BNC2: variants seen among roughly 807,000 people sequenced by gnomAD.
BNC2 encodes the protein basonuclin zinc finger protein 2.
Under a neutral mutation model 76.3 loss-of-function variants are expected in BNC2, and 20 were observed. The ratio of observed to expected loss-of-function variants is 0.26; its 90% CI spans 0.18 to 0.38. The LOEUF is 0.38. Ranked by LOEUF, BNC2 falls within the 10% of genes least tolerant of loss-of-function variation. BNC2 has a pLI of 1.00. For synonymous variants in BNC2, 582 were observed against 514.8 expected, an observed-to-expected ratio of 1.13 and a Z score of -1.77; for missense variants, 1,382 against 1,399.8, an observed-to-expected ratio of 0.99 and a Z score of 0.20.
At chr9:16,859,597 G>A (rs1819345854) in intron 1 of BNC2, among the ~76,000 whole-genome samples, 2 of 152,110 alleles carry the variant, frequency 1.3e-5, no homozygotes, top group African/African-American at 4.8e-5. Flanking sequence ...GAAATAAGCC[G>A]GAACAAAAAG....
At chr9:16,688,239 A>G (rs1823035771) in intron 3 of BNC2, among the ~76,000 whole-genome samples, 1 of 152,310 alleles carries the variant, frequency 6.6e-6, no homozygotes, top group East Asian at 1.9e-4. Flanking sequence ...CTCTTTCTGA[A>G]TTCATCAAAA....
chr9:16,521,620 A>T (rs975940423), intron 5 of BNC2, among the ~76,000 whole-genome samples: 5 of 152,100 alleles, frequency 3.3e-5, no homozygotes, highest in African/African-American at 1.2e-4. Flanking sequence ...AATTCTTTCT[A>T]TGTGTGTGCC....
At chr9:16,518,106 A>G (rs1817493180) in intron 5 of BNC2, among the ~76,000 whole-genome samples, 1 of 152,232 alleles carries the variant, frequency 6.6e-6, no homozygotes, top group Admixed American at 6.5e-5. Flanking sequence ...AGCTTGAATT[A>G]TTTATAAAAA....
At chr9:16,739,621 G>C (rs890339594) in intron 1 of BNC2, among the ~76,000 whole-genome samples, 3 of 152,138 alleles carry the variant, frequency 2.0e-5, no homozygotes, top group Admixed American at 6.5e-5. Flanking sequence ...GCAGTGAGCG[G>C]AGATTGTGCC....
intron 1 of BNC2, among the ~76,000 whole-genome samples, chr9:16,823,529 G>T (rs1335532388): frequency 1.3e-5 from 2 of 151,812 alleles, no homozygotes; most frequent in African/African-American, 2.4e-5. Context: ...CTTGAGCCTG[G>T]GAGGCAGAGG....
intron 5 of BNC2, among the ~76,000 whole-genome samples, chr9:16,490,270 C>G (rs893875729): frequency 6.6e-6 from 1 of 152,046 alleles, no homozygotes; most frequent in African/African-American, 2.4e-5. Flanking sequence ...AACATGGCAG[C>G]CGCAAGAGAA....
intron 2 of BNC2, among the ~76,000 whole-genome samples, chr9:16,735,859 T>C (rs1824651903): frequency 6.6e-6 from 1 of 152,108 alleles, no homozygotes; most frequent in Non-Finnish European, 1.5e-5. Context: ...ACCAAGAAGC[T>C]TGCAGCCTCA....
intron 1 of BNC2, among the ~76,000 whole-genome samples, chr9:16,823,313 C>T (rs994088061): frequency 1.3e-5 from 2 of 151,264 alleles, no homozygotes; most frequent in Non-Finnish European, 2.9e-5. Context: ...GTAAGAATTA[C>T]ACCTGCCAGG....
chr9:16,526,978 T>C (rs908540483), intron 5 of BNC2, among the ~76,000 whole-genome samples: 1 of 152,218 alleles, frequency 6.6e-6, no homozygotes, highest in Non-Finnish European at 1.5e-5. Context: ...AGTAGCAGTT[T>C]CCTGAAAAAG....
intron 3 of BNC2, among the ~76,000 whole-genome samples, chr9:16,718,210 T>C (rs1824046247): frequency 6.6e-6 from 1 of 152,214 alleles, no homozygotes; most frequent in African/African-American, 2.4e-5. Context: ...GTTCATTAAG[T>C]GCACAAGGCC....
At chr9:16,421,794 G>A (rs1411146191) in intron 6 of BNC2, among the ~76,000 whole-genome samples, 1 of 152,196 alleles carries the variant, frequency 6.6e-6, no homozygotes, top group East Asian at 1.9e-4. Context: ...TGGAAGTAGA[G>A]TTACGCTATG....
chr9:16,444,749 C>A (rs1821196714), intron 5 of BNC2, among the ~76,000 whole-genome samples: 1 of 152,280 alleles, frequency 6.6e-6, no homozygotes, highest in South Asian at 2.1e-4. Flanking sequence ...CTGAAGAAAA[C>A]ACTTATACAT....
At chr9:16,845,868 GC>G (rs1191240872) in intron 1 of BNC2, among the ~76,000 whole-genome samples, 5 of 151,946 alleles carry the variant, frequency 3.3e-5, no homozygotes, top group Admixed American at 6.6e-5. Context: ...TAATTTAGTG[GC>G]CCGGGCGCGG....
chr9:16,668,026 G>T (rs761550520), intron 3 of BNC2, among the ~76,000 whole-genome samples: 1 of 152,224 alleles, frequency 6.6e-6, no homozygotes, highest in African/African-American at 2.4e-5. Flanking sequence ...TTCCTACTAA[G>T]TGCCAGACGC....
rs1214949896 is a variant in BNC2, at chr9:16,636,346, A to C, written c.331-53261T>G. 2.6e-5 allele frequency among the ~76,000 whole-genome samples: 4 copies of C among 152,176 alleles called. No homozygotes were observed. The East Asian group carries it at 7.7e-4, about 29-fold the overall frequency. ...GAGACAGGGTCTTGCTCTGTCACCC[A>C]AACTGGAGTGCAGTGGCACAATCAC... On this transcript the variant is annotated intron_variant, in intron 3 of 6. Coordinates refer to ENST00000380672, the MANE Select transcript of BNC2 (RefSeq NM_017637.6).
chr9:16,727,431 G>A, intron 3 of BNC2: 1 of 215,410 alleles, frequency 4.6e-6, no homozygotes, highest in Non-Finnish European at 9.3e-6. Flanking sequence ...AAACACTTTG[G>A]ACGAAGTGAT....
chr9:16,706,014 C>T (rs2297176), intron 3 of BNC2, among the ~76,000 whole-genome samples: 90,991 of 152,188 alleles, frequency 0.6, 30,886 homozygotes, highest in Non-Finnish European at 0.79. Context: ...TTCCAAGCAA[C>T]ATAACTGACA....
chr9:16,535,690 A>G (rs1353959073), intron 5 of BNC2, among the ~76,000 whole-genome samples: 1 of 152,132 alleles, frequency 6.6e-6, no homozygotes, highest in Non-Finnish European at 1.5e-5. Flanking sequence ...CAGGTGAGTA[A>G]AGATTACAGT....
Position 16,785,880 on chromosome 9 carries a change from T to C in BNC2, c.4-47395A>G, listed in dbSNP as rs117956736. Among the ~76,000 whole-genome samples, 1,392 of 151,798 alleles carry C rather than the reference T, an allele frequency of 9.2e-3. 13 individuals are homozygous for C. The highest frequency in any genetic ancestry group is 0.014 in the Non-Finnish European group (985 of 67,944). On this transcript the variant is annotated intron_variant, in intron 1 of 6. Transcript: ENST00000380672. ...AGAAACAAATGGCAATGTGAACACA[T>C]TGCTGGGGCCTTTTCCCAGGGCCTT...
Sources: gnomAD v4.1 joint callset for allele counts (sites outside exome capture counted in the v4.1 genomes callset) on GRCh38, gnomAD v4.1.1 for gene constraint, MANE v1.5 for transcripts, NCBI Gene and HGNC (gene_info 2026-07-23, HGNC 2026-07-21) for gene names.